Variants in DYTN observed in about 807,000 individuals in gnomAD.
DYTN encodes dystrotelin.
Under a neutral mutation model 69.6 loss-of-function variants are expected in DYTN, and 75 were observed. That is an observed-to-expected ratio of 1.08 (90% CI 0.89 to 1.31). The LOEUF is 1.31. DYTN is among the 50% of genes most tolerant of loss of function. The pLI is 0.00. For synonymous variants in DYTN, 252 were observed against 249.1 expected (o/e 1.01, Z -0.11); for missense variants, 726 against 688.4 (o/e 1.05, Z -0.61).
intron 9 of DYTN, among the ~76,000 whole-genome samples, chr2:206,680,586 A>G (rs1379578322): frequency 3.9e-5 from 6 of 152,148 alleles, no homozygotes; most frequent in African/African-American, 1.4e-4. Flanking sequence ...TGTTCTTTTA[A>G]GTAGATTCAT....
chr2:206,704,787 T>C, intron 5 of DYTN, 56 bp downstream of exon 5: 2 of 1,458,444 alleles, frequency 1.4e-6, no homozygotes, highest in Non-Finnish European at 1.9e-6. Flanking sequence ...TCTTTAATAA[T>C]AAATGTGGCA....
rs559885128 is a variant in DYTN, at chr2:206,705,837, G to C, written c.333C>G (p.Ala111=). Residue 111 remains alanine, a synonymous_variant, in exon 4 of 12, where the codon GCC becomes GCG. Transcript: ENST00000452335. ...CTCCTGAGAGGGTTATTAGGGCAGC[G>C]GCCGCAGGCATAAGCTGGAGAAAAC... ...GTGFLQLMPA[A]AALITLSGDS... 1.2e-6 allele frequency: 2 copies of C among 1,613,732 alleles called. No homozygotes were observed. The highest frequency in any genetic ancestry group is 1.1e-5 in the South Asian group (1 of 91,058).
rs966503845 is a variant in DYTN, at chr2:206,652,007, G to A, written c.1634-86C>T. On this transcript the variant is annotated intron_variant, in intron 11 of 11. Coordinates refer to ENST00000452335, the MANE Select transcript of DYTN (RefSeq NM_001093730.1). ...ATTGATAAAGCTCTCACATGGAGAA[G>A]AAACAGAATCCATTTTTCTTCAGTT... 8.0e-6 allele frequency: 10 copies of A among 1,243,194 alleles called. No individual in the cohort carries two copies. In the African/African-American group the frequency reaches 1.5e-4, roughly 19 times the overall value. 77.0% of individuals were successfully genotyped at this position (1,243,194 alleles called of 1,614,324 possible).
At position 206,707,440 on chromosome 2, in the gene DYTN, C is replaced by T. The variant is rs201346934; in HGVS notation, c.158G>A (p.Arg53His). Residue 53 changes from arginine (R) to histidine (H), a missense_variant, in exon 3 of 12, where the codon CGC becomes CAC. Coordinates refer to ENST00000452335, the MANE Select transcript of DYTN (RefSeq NM_001093730.1). ...TTGCTGCACAGAAAGGGAGTGCTTG[C>T]GAGCTTCCCAGAAACTTGGACGCAG... Reference protein sequence around the residue: ...VLLRPSFWEARKHSLSVQQLS... With the variant: ...VLLRPSFWEAHKHSLSVQQLS... The T allele has an allele frequency of 6.8e-6, 11 of 1,612,724 alleles. No individual in the cohort carries two copies. The highest frequency in any genetic ancestry group is 2.2e-5 in the South Asian group (2 of 90,650).
chr2:206,712,367 G>A (rs1235108245), intron 1 of DYTN, among the ~76,000 whole-genome samples: 1 of 152,144 alleles, frequency 6.6e-6, no homozygotes, highest in Non-Finnish European at 1.5e-5. Context: ...TGTGACAGCA[G>A]TTTCAGTGGA....
chr2:206,656,765 T>C (rs1699454163), intron 11 of DYTN, among the ~76,000 whole-genome samples: 1 of 62,026 alleles, frequency 1.6e-5, no homozygotes, highest in East Asian at 2.0e-4. Flanking sequence ...CTAAATAGTC[T>C]TTTTTTTTTT....
chr2:206,703,900 G>A (rs944147488), intron 5 of DYTN, among the ~76,000 whole-genome samples: 12 of 152,108 alleles, frequency 7.9e-5, no homozygotes, highest in African/African-American at 2.7e-4. Context: ...GCACCCACAC[G>A]CAAGACAATC....
intron 6 of DYTN, 122 bp downstream of exon 6, chr2:206,700,023 T>G (rs1315903789): frequency 6.5e-7 from 1 of 1,532,098 alleles, no homozygotes; most frequent in African/African-American, 1.4e-5. Flanking sequence ...GACTACCTCC[T>G]AAATTCAGTT....
intron 9 of DYTN, among the ~76,000 whole-genome samples, chr2:206,671,758 T>G (rs1042553722): frequency 6.6e-6 from 1 of 152,206 alleles, no homozygotes; most frequent in Non-Finnish European, 1.5e-5. Flanking sequence ...TTTAAAAGAA[T>G]TTCTTGCACC....
intron 11 of DYTN, among the ~76,000 whole-genome samples, chr2:206,659,320 A>G (rs1290714212): frequency 6.6e-6 from 1 of 150,928 alleles, no homozygotes; most frequent in Non-Finnish European, 1.5e-5. Flanking sequence ...TACAGGCTCC[A>G]GCCACCACGC....
intron 1 of DYTN, among the ~76,000 whole-genome samples, chr2:206,717,043 AACACACACACACACAC>A (rs71852382): frequency 1.4e-5 from 2 of 143,820 alleles, no homozygotes; most frequent in South Asian, 2.3e-4. Flanking sequence ...TGCCGATGCA[AACACACACACACACAC>A]ACACACACAC....
At chr2:206,685,600 CA>C (rs1699797140) in intron 9 of DYTN, among the ~76,000 whole-genome samples, 1 of 152,004 alleles carries the variant, frequency 6.6e-6, no homozygotes, top group African/African-American at 2.4e-5. Context: ...GGCTTCAGGT[CA>C]AAAAACCCTG....
chr2:206,694,883 A>T lies in DYTN; in HGVS notation c.720-6T>A. 6.4e-7 allele frequency: 1 copy of T among 1,560,940 alleles called. No homozygotes were observed. Among genetic ancestry groups the T allele is most frequent in the Non-Finnish European group, 8.7e-7 (1 of 1,154,658 alleles). On this transcript the variant is annotated splice_polypyrimidine_tract_variant and splice_region_variant and intron_variant, in intron 7 of 11. Transcript: ENST00000452335. The stretch of plus-strand genomic sequence containing the variant: ...GACACTTCAGACAGCGGTATCTGCC[A>T]GTTAAAATAGAAGCACAGCTTACGT...
chr2:206,705,008 C>A, intron 4 of DYTN, 65 bp from the exon 5 acceptor site: 1 of 1,305,568 alleles, frequency 7.7e-7, no homozygotes, highest in Non-Finnish European at 1.1e-6. Flanking sequence ...AGAGTACTTG[C>A]TTTGAAGTAA....
chr2:206,701,725 G>T (rs559895638), intron 5 of DYTN, among the ~76,000 whole-genome samples: 22 of 152,226 alleles, frequency 1.4e-4, no homozygotes, highest in Admixed American at 3.3e-4. Context: ...ATGGCTACTA[G>T]TAATACTACT....
In DYTN at chr2:206,703,170, G is replaced by A. The variant is rs550611824; in HGVS notation, c.483+1673C>T. Among the ~76,000 whole-genome samples the A allele has an allele frequency of 1.7e-3, 254 of 152,202 alleles. 1 individual carries two copies. The highest frequency in any genetic ancestry group is 5.7e-3 in the African/African-American group (235 of 41,520). ...TTGACCTCATTTGAACCTGAAACAA[G>A]GGCAGATTTTTAGAGCCTGTTGGAC... On this transcript the variant is annotated intron_variant, in intron 5 of 11. Transcript: ENST00000452335.
rs541142885 is a variant in DYTN, at chr2:206,668,389, G to C, written c.981-2360C>G. 3.9e-5 allele frequency among the ~76,000 whole-genome samples: 6 copies of C among 152,290 alleles called. No individual in the cohort carries two copies. In the East Asian group the frequency reaches 1.2e-3, roughly 29 times the overall value. ...TCTTCTTCTGCTTCTTTTTAAAGAA[G>C]AGATGCTTATGGGTTGTTTCTAGTA... On this transcript the variant is annotated intron_variant, in intron 9 of 11. Transcript: ENST00000452335.
At chr2:206,660,015 TTGCAA>T in intron 11 of DYTN, among the ~76,000 whole-genome samples, 2 of 78,200 alleles carry the variant, frequency 2.6e-5, no homozygotes, top group South Asian at 7.1e-4. Context: ...ACTTTTTTTC[TTGCAA>T]AGAAAAAAAG....
chr2:206,685,595 C>T (rs896216644), intron 9 of DYTN, among the ~76,000 whole-genome samples: 2 of 152,066 alleles, frequency 1.3e-5, no homozygotes, highest in Non-Finnish European at 2.9e-5. Flanking sequence ...ACACTGGCTT[C>T]AGGTCAAAAA....
Sources: allele counts gnomAD v4.1 joint callset (sites outside exome capture counted in the v4.1 genomes callset), GRCh38; gene constraint gnomAD v4.1.1; transcripts MANE v1.5; gene names NCBI Gene and HGNC (gene_info 2026-07-23, HGNC 2026-07-21).